Variants in PAK2 observed in about 807,000 individuals in gnomAD.
The protein encoded by PAK2 is p21 (RAC1) activated kinase 2.
Under a neutral mutation model 65.9 loss-of-function variants are expected in PAK2, and 21 were observed. The ratio of observed to expected loss-of-function variants is 0.32; its 90% confidence interval spans 0.23 to 0.46. The LOEUF is 0.46. PAK2 is among the 20% of genes least tolerant of loss of function. The pLI, the probability that PAK2 is intolerant of heterozygous loss-of-function variation, is 1.00. For missense variants in PAK2, 324 were observed against 642.6 expected, an observed-to-expected ratio of 0.50 and a Z score of 5.36; for synonymous variants, 204 against 219.7, an observed-to-expected ratio of 0.93 and a Z score of 0.63.
chr3:196,794,663 G>A (rs116786206), intron 2 of PAK2, among the ~76,000 whole-genome samples: 368 of 152,322 alleles, frequency 2.4e-3, no homozygotes, highest in Non-Finnish European at 4.2e-3. Flanking sequence ...GGAGGGAGGC[G>A]GGATTACTGT....
intron 11 of PAK2, among the ~76,000 whole-genome samples, chr3:196,814,967 C>T (rs1319016892): frequency 6.6e-6 from 1 of 150,964 alleles, no homozygotes; most frequent in Admixed American, 6.6e-5. Flanking sequence ...ATCACAAGGT[C>T]AGGAGATCGA....
chr3:196,811,769 C>A (rs1338716082), intron 8 of PAK2, among the ~76,000 whole-genome samples: 6 of 151,978 alleles, frequency 3.9e-5, no homozygotes, highest in Admixed American at 1.3e-4. Flanking sequence ...TATAGGGATA[C>A]ATATCTGCGT....
intron 1 of PAK2, among the ~76,000 whole-genome samples, chr3:196,745,966 G>A (rs1216080948): frequency 6.6e-6 from 1 of 151,496 alleles, no homozygotes; most frequent in Non-Finnish European, 1.5e-5. Flanking sequence ...ACTTTTCTAT[G>A]GTTACAATAT....
chr3:196,776,401 C>CT (rs1367862770), intron 1 of PAK2, among the ~76,000 whole-genome samples: 3 of 152,204 alleles, frequency 2.0e-5, no homozygotes, highest in Non-Finnish European at 2.9e-5. Context: ...AACTAGCCCT[C>CT]TGTTTCATGC....
chr3:196,812,598 G>C, intron 9 of PAK2, 141 bp from the exon 10 acceptor site: 3 of 599,922 alleles, frequency 5.0e-6, no homozygotes, highest in South Asian at 4.2e-5. Flanking sequence ...TGCACAGGCA[G>C]TGTGCAAGGC....
At position 196,822,946 on chromosome 3, in the gene PAK2, G is replaced by A. The variant is rs73076630; in HGVS notation, c.1350+2379G>A. ...CAAACAGCGAGAGGTGCGGTCGATC[G>A]GCGAAGAAACCAGGCCAGACCGTAG... On this transcript the variant is annotated intron_variant, in intron 13 of 14. Transcript: ENST00000327134. Among the ~76,000 whole-genome samples, 127 of 152,236 alleles carry A rather than the reference G, an allele frequency of 8.3e-4. 2 individuals carry two copies. The highest frequency in any genetic ancestry group is 2.9e-3 in the African/African-American group (120 of 41,544).
chr3:196,811,760 A>T (rs370233317), intron 8 of PAK2, among the ~76,000 whole-genome samples: 1 of 152,250 alleles, frequency 6.6e-6, no homozygotes, highest in South Asian at 2.1e-4. Flanking sequence ...AGTATATTTT[A>T]TAGGGATACA....
At chr3:196,794,465 T>C (rs1715180632) in intron 2 of PAK2, among the ~76,000 whole-genome samples, 2 of 152,102 alleles carry the variant, frequency 1.3e-5, no homozygotes, top group South Asian at 4.1e-4. Flanking sequence ...CAACACCCGT[T>C]CCCCCTGTCC....
rs1714748933 is a variant in PAK2 at position 196,782,549 on chromosome 3, A to C, written c.-21-77A>C. On this transcript the variant is annotated intron_variant, in intron 1 of 14. Transcript: ENST00000327134. ...ATATTTTCTAATTGGGAGTTGTGGC[A>C]GGGGTAGTTATTACTGTTTTTTGCT... is the stretch of plus-strand genomic sequence containing the variant. The C allele has an allele frequency of 1.1e-5, 7 of 646,104 alleles. No homozygotes were observed. The South Asian group carries it at 1.3e-4, about 12-fold the overall frequency. 40.0% of individuals were successfully genotyped at this position (646,104 alleles called of 1,614,324 possible). A position where few individuals can be genotyped will look rare whatever the true frequency, so the allele number is the denominator to read the frequency against.
At chr3:196,771,919 TTCTG>T (rs1421824307) in intron 1 of PAK2, among the ~76,000 whole-genome samples, 3 of 152,232 alleles carry the variant, frequency 2.0e-5, no homozygotes, top group Non-Finnish European at 4.4e-5. Flanking sequence ...TGTTCATTAA[TTCTG>T]TCTAACACTA....
At chr3:196,819,402 A>G (rs1411188251) in intron 12 of PAK2, among the ~76,000 whole-genome samples, 2 of 152,188 alleles carry the variant, frequency 1.3e-5, no homozygotes, top group Non-Finnish European at 2.9e-5. Flanking sequence ...AAATTGCTCT[A>G]CTGCACACAG....
intron 1 of PAK2, among the ~76,000 whole-genome samples, chr3:196,768,706 C>T (rs1185554803): frequency 6.6e-6 from 1 of 151,442 alleles, no homozygotes; most frequent in Non-Finnish European, 1.5e-5. Context: ...TTGCTCTGTC[C>T]CTCAGGCTGG....
At position 196,821,358 on chromosome 3, in the gene PAK2, A is replaced by T. The variant is rs9882839; in HGVS notation, c.1350+791A>T. The stretch of plus-strand genomic sequence containing the variant: ...AAACAACAAAAAACCCCACCACAAC[A>T]GGATAACACTTCACAACTACTAGAA... On this transcript the variant is annotated intron_variant, in intron 13 of 14. Transcript: ENST00000327134. Among the ~76,000 whole-genome samples, 733 of 152,032 alleles carry T rather than the reference A, an allele frequency of 4.8e-3. 2 individuals are homozygous for T. The highest frequency in any genetic ancestry group is 0.017 in the African/African-American group (693 of 41,458).
chr3:196,817,145 T>G (rs1441278310), intron 11 of PAK2, among the ~76,000 whole-genome samples: 1 of 149,064 alleles, frequency 6.7e-6, no homozygotes, highest in Non-Finnish European at 1.5e-5. Flanking sequence ...CATTTAAACC[T>G]GAAAGAGGCA....
chr3:196,822,802 T>TA (rs1711697443), intron 13 of PAK2, among the ~76,000 whole-genome samples: 1 of 152,152 alleles, frequency 6.6e-6, no homozygotes, highest in South Asian at 2.1e-4. Context: ...GCGTGATACT[T>TA]ACCTGAGGGA....
chr3:196,803,291 A>C (rs1715478334), intron 4 of PAK2, 127 bp downstream of exon 4: 2 of 735,470 alleles, frequency 2.7e-6, no homozygotes, highest in South Asian at 4.2e-5. Context: ...CCCTGGATAG[A>C]TTCTACCTTT....
chr3:196,814,405 T>C, intron 10 of PAK2, 46 bp from the exon 11 acceptor site: 1 of 737,562 alleles, frequency 1.4e-6, no homozygotes, highest in Non-Finnish European at 2.4e-6. Context: ...ACCATGTGTT[T>C]AGGAAAAATA....
At chr3:196,817,156 ATTTTTTTT>A (rs11314877) in intron 11 of PAK2, among the ~76,000 whole-genome samples, 1 of 84,766 alleles carries the variant, frequency 1.2e-5, no homozygotes, top group African/African-American at 4.8e-5. Flanking sequence ...GAAAGAGGCA[ATTTTTTTT>A]TTTTTTTTTT....
At chr3:196,809,792 G>C (rs762930031) in intron 7 of PAK2, among the ~76,000 whole-genome samples, 22 of 151,854 alleles carry the variant, frequency 1.4e-4, no homozygotes, top group Non-Finnish European at 2.4e-4. Context: ...TTGTTGACTT[G>C]AGGTTGGGTA....
Sources: gnomAD v4.1 joint callset for allele counts (sites outside exome capture counted in the v4.1 genomes callset) on GRCh38, gnomAD v4.1.1 for gene constraint, MANE v1.5 for transcripts, NCBI Gene and HGNC (gene_info 2026-07-23, HGNC 2026-07-21) for gene names.